Variants in MDM2 observed in about 807,000 individuals in gnomAD.
The protein encoded by MDM2 is MDM2 proto-oncogene.
Under a neutral mutation model 64.3 loss-of-function variants are expected in MDM2, and 11 were observed. The ratio of observed to expected loss-of-function variants is 0.17; its 90% CI spans 0.11 to 0.28. The LOEUF (loss-of-function observed/expected upper bound fraction) is 0.28. Among genes scored for constraint, MDM2 ranks in the 10% least tolerant of loss-of-function variants. MDM2 has a pLI of 1.00. For missense variants in MDM2, 388 were observed against 577.1 expected, an observed-to-expected ratio of 0.67 and a Z score of 3.36; for synonymous variants, 194 against 192.9, an observed-to-expected ratio of 1.01 and a Z score of -0.05.
chr12:68,821,348 A>G lies in MDM2; in HGVS notation c.358+974A>G, dbSNP rs3730548. Among the ~76,000 whole-genome samples the G allele has an allele frequency of 4.2e-3, 634 of 152,136 alleles. 4 individuals carry two copies. Among genetic ancestry groups the G allele is most frequent in the Middle Eastern group, 0.02 (6 of 294 alleles). ...GGTATGAGCCACTGCACCCGGTCTC[A>G]CAGTTTGCTTTTGAGTGCTGCTTAG... On this transcript the variant is annotated intron_variant, in intron 5 of 10. Transcript: ENST00000258149.
intron 7 of MDM2, 97 bp downstream of exon 7, chr12:68,824,748 T>C (rs910757734): frequency 1.2e-6 from 1 of 800,518 alleles, no homozygotes; most frequent in South Asian, 1.8e-5. Flanking sequence ...TTGTTCCCTT[T>C]TTTTGGTTGA....
At chr12:68,809,518 C>T (rs1438148728) in intron 2 of MDM2, among the ~76,000 whole-genome samples, 1 of 152,162 alleles carries the variant, frequency 6.6e-6, no homozygotes, top group Non-Finnish European at 1.5e-5. Flanking sequence ...AGTTCCATTA[C>T]ATTGTTAAGC....
At chr12:68,827,158 A>G (rs1478583473) in intron 7 of MDM2, among the ~76,000 whole-genome samples, 1 of 152,146 alleles carries the variant, frequency 6.6e-6, no homozygotes, top group Non-Finnish European at 1.5e-5. Flanking sequence ...AGCCTGGGGG[A>G]CAAGAGTGAG....
intron 8 of MDM2, among the ~76,000 whole-genome samples, chr12:68,833,154 A>G (rs1882959456): frequency 8.6e-6 from 1 of 116,802 alleles, no homozygotes; most frequent in Admixed American, 9.6e-5. Flanking sequence ...AAAAAAATAT[A>G]TATATATATA....
chr12:68,829,511 T>A (rs1882619586), intron 8 of MDM2, among the ~76,000 whole-genome samples: 1 of 152,150 alleles, frequency 6.6e-6, no homozygotes, highest in African/African-American at 2.4e-5. Context: ...CTCATGCCTG[T>A]AATCAGTACT....
chr12:68,820,123 A>G (rs1159164880), intron 4 of MDM2, among the ~76,000 whole-genome samples: 1 of 152,202 alleles, frequency 6.6e-6, no homozygotes, highest in Non-Finnish European at 1.5e-5. Flanking sequence ...AGTAATTATT[A>G]AAAGTAGCTG....
In MDM2 at chr12:68,844,417, T is replaced by G. The variant is rs1000065196; in HGVS notation, c.*4568T>G. The stretch of plus-strand genomic sequence containing the variant: ...GTTGCAAGTTAGTAGGAGTAAGAAA[T>G]GCTGTGTTCTCCCTGTCTTCTCTTA... On this transcript the variant is annotated 3_prime_UTR_variant, in exon 11 of 11. Transcript: ENST00000258149. 4.4e-6 allele frequency: 1 copy of G among 227,412 alleles called. No homozygotes were observed. The highest frequency in any genetic ancestry group is 2.2e-5 in the African/African-American group (1 of 44,976). The allele number at this position is 227,412 out of a possible 1,614,324, so 14.1% of individuals were successfully genotyped here. A position where few individuals can be genotyped will look rare whatever the true frequency, so the allele number is the denominator to read the frequency against.
At chr12:68,845,555 G>C (rs1455115754), downstream of MDM2, 4 of 185,600 alleles carry the variant, frequency 2.2e-5, no homozygotes, top group Non-Finnish European at 3.4e-5. Flanking sequence ...TTAGAGAGAG[G>C]AGTGGTACTG....
intron 3 of MDM2, among the ~76,000 whole-genome samples, chr12:68,814,903 A>C (rs1881217259): frequency 6.6e-6 from 1 of 152,192 alleles, no homozygotes; most frequent in Non-Finnish European, 1.5e-5. Flanking sequence ...TCTTTCTTAC[A>C]ACGGTATAGT....
chr12:68,820,890 T>C (rs1260714454), intron 5 of MDM2, among the ~76,000 whole-genome samples: 2 of 152,214 alleles, frequency 1.3e-5, no homozygotes, highest in African/African-American at 2.4e-5. Context: ...TCCAGAAAGA[T>C]GCACATGTAT....
chr12:68,810,887 CAG>C (rs913578342), intron 2 of MDM2, among the ~76,000 whole-genome samples: 8 of 150,736 alleles, frequency 5.3e-5, no homozygotes, highest in Non-Finnish European at 7.4e-5. Context: ...TTTTTTGAGA[CAG>C]AGTTTCACTC....
chr12:68,830,995 C>T (rs540763754), intron 8 of MDM2, among the ~76,000 whole-genome samples: 1 of 152,292 alleles, frequency 6.6e-6, no homozygotes, highest in South Asian at 2.1e-4. Flanking sequence ...GCCACCTGCC[C>T]GGACCCCTAT....
At chr12:68,836,638 C>A in intron 9 of MDM2, 34 bp from the exon 10 acceptor site, 1 of 1,441,620 alleles carries the variant, frequency 6.9e-7, no homozygotes, top group Non-Finnish European at 9.8e-7. Context: ...GGAAATAGGG[C>A]GATGAATTGA....
intron 5 of MDM2, 114 bp from the exon 6 acceptor site, chr12:68,824,249 T>C: frequency 1.5e-6 from 1 of 657,070 alleles, no homozygotes; most frequent in South Asian, 2.1e-5. Flanking sequence ...TTAATGTTTA[T>C]TGAAAGGTTA....
chr12:68,838,142 A>T (rs933687289), intron 10 of MDM2, among the ~76,000 whole-genome samples: 4 of 152,164 alleles, frequency 2.6e-5, no homozygotes, highest in Admixed American at 1.3e-4. Flanking sequence ...CCCCTTCTAT[A>T]ACTTGAAAAA....
rs372116171 is a variant in MDM2, at chr12:68,827,843, C to CT, written c.524-927dup. On this transcript the variant is annotated intron_variant, in intron 7 of 10. Coordinates refer to ENST00000258149, the MANE Select transcript of MDM2 (RefSeq NM_002392.6). ...TGATTTCTGTTTAAAATATAGGGTA[C>CT]TGAAGAGCCGGGCTTAGTGGCTTAG... Among the ~76,000 whole-genome samples, 43 of 152,224 alleles carry CT rather than the reference C, an allele frequency of 2.8e-4. No individual in the cohort carries two copies. The East Asian group carries it at 8.3e-3, about 29-fold the overall frequency.
Position 68,842,359 on chromosome 12 carries a change from A to G in MDM2, c.*2510A>G. The G allele has an allele frequency of 2.0e-6, 1 of 495,634 alleles. No individual in the cohort carries two copies. The highest frequency in any genetic ancestry group is 4.0e-6 in the Non-Finnish European group (1 of 250,580). The allele number at this position is 495,634 out of a possible 1,614,324, so 30.7% of individuals were successfully genotyped here. On this transcript the variant is annotated 3_prime_UTR_variant, in exon 11 of 11. Transcript: ENST00000258149. ...AAGAAAAGATGATATAACAGTTAAC[A>G]GGATGCAGACATGGCAGAGGTTTCC... is the stretch of plus-strand genomic sequence containing the variant.
At chr12:68,813,657 C>T (rs747526290) in intron 3 of MDM2, 29 bp downstream of exon 3, 17 of 1,508,384 alleles carry the variant, frequency 1.1e-5, no homozygotes, top group African/African-American at 1.4e-5. Context: ...TAAGTAGTAT[C>T]TCACTAGTTA....
Position 68,839,861 on chromosome 12 carries a change from A to T in MDM2, c.*12A>T. 6.2e-7 allele frequency: 1 copy of T among 1,609,258 alleles called. No individual in the cohort carries two copies. Among genetic ancestry groups the T allele is most frequent in the African/African-American group, 1.3e-5 (1 of 74,768 alleles). On this transcript the variant is annotated 3_prime_UTR_variant, in exon 11 of 11. Transcript: ENST00000258149. ...CTTATTTCCCCTAGTTGACCTGTCT[A>T]TAAGAGAATTATATATTTCTAACTA... is the stretch of plus-strand genomic sequence containing the variant.
Sources: gnomAD v4.1 joint callset for allele counts (sites outside exome capture counted in the v4.1 genomes callset) on GRCh38, gnomAD v4.1.1 for gene constraint, MANE v1.5 for transcripts, NCBI Gene and HGNC (gene_info 2026-07-23, HGNC 2026-07-21) for gene names.